The following CSF2RA variants were observed in gnomAD, a reference collection of about 807,000 sequenced individuals.
The protein encoded by CSF2RA is granulocyte-macrophage colony-stimulating factor receptor subunit alpha.
CSF2RA carries 42 observed loss-of-function variants against 51.6 expected under a neutral mutation model. The ratio of observed to expected loss-of-function variants is 0.81; its 90% confidence interval spans 0.64 to 1.05. The LOEUF (loss-of-function observed/expected upper bound fraction) is 1.05. Ranked by LOEUF, CSF2RA falls within the 50% of genes least tolerant of loss-of-function variation. The pLI, the probability that CSF2RA is intolerant of heterozygous loss-of-function variation, is 0.00. For synonymous variants in CSF2RA, 222 were observed against 193.0 expected, an observed-to-expected ratio of 1.15 and a Z score of -1.24; for missense variants, 530 against 501.1, an observed-to-expected ratio of 1.06 and a Z score of -0.55.
At chrX:1,311,029 C>T (rs1360596816), downstream of CSF2RA, among the ~76,000 whole-genome samples, 1 of 151,980 alleles carries the variant, frequency 6.6e-6, no homozygotes, top group African/African-American at 2.4e-5. Context: ...TGGTGGATTG[C>T]CTGAGCTCAT....
Position 1,290,364 on chromosome X carries a change from T to C in CSF2RA, c.501T>C (p.Tyr167=). ...GAAGGAGGGAGATCCGGTGTCCTTATTACATACAAGACTCAGGAACCCATG... is the reference window on the plus strand; with the variant it reads ...GAAGGAGGGAGATCCGGTGTCCTTACTACATACAAGACTCAGGAACCCATG... The part of the protein sequence containing the change: ...SKRRREIRCP[Y]YIQDSGTHVG... Residue 167 remains tyrosine, a synonymous_variant, in exon 7 of 13, where the codon TAT becomes TAC. Coordinates refer to ENST00000381529, the MANE Select transcript of CSF2RA (RefSeq NM_172245.4). 1 of 1,613,692 alleles carries C rather than the reference T, an allele frequency of 6.2e-7. No individual in the cohort carries two copies.
At chrX:1,297,781 G>A (rs369707580) in intron 9 of CSF2RA, among the ~76,000 whole-genome samples, 1,099 of 67,536 alleles carry the variant, frequency 0.016, no homozygotes, top group African/African-American at 0.017. Context: ...CACAACCCCC[G>A]GTGGAACCCT....
intron 11 of CSF2RA, among the ~76,000 whole-genome samples, chrX:1,305,213 C>T (rs2083439632): frequency 6.8e-6 from 1 of 146,862 alleles, no homozygotes; most frequent in Non-Finnish European, 1.5e-5. Flanking sequence ...AGGCTGGTCT[C>T]AAACCTCAAG....
chrX:1,286,207 A>AAGTTGC (rs2090631913), intron 4 of CSF2RA, among the ~76,000 whole-genome samples: 1 of 152,072 alleles, frequency 6.6e-6, no homozygotes, highest in Non-Finnish European at 1.5e-5. Context: ...CGGGAGGTGG[A>AAGTTGC]AGTTGCAGTG....
At position 1,287,591 on chromosome X, in the gene CSF2RA, C is replaced by A. The variant is rs758396420; in HGVS notation, c.220-928C>A. ...CCTGAGTAGCTGGGATTACAGGTGC[C>A]CACCACCACACCTGGCTAATTTTTG... On this transcript the variant is annotated intron_variant, in intron 4 of 12. Transcript: ENST00000381529. 4.0e-4 allele frequency among the ~76,000 whole-genome samples: 58 copies of A among 143,764 alleles called. No homozygotes were observed. In the East Asian group the frequency reaches 9.9e-3, roughly 24 times the overall value. The allele number at this position is 143,764 out of a possible 152,430, so 94.3% of individuals were successfully genotyped here. A position where few individuals can be genotyped will look rare whatever the true frequency, so the allele number is the denominator to read the frequency against.
At chrX:1,305,711 G>C (rs764439901) in intron 12 of CSF2RA, 184 bp downstream of exon 12, 107 of 1,555,458 alleles carry the variant, frequency 6.9e-5, no homozygotes, top group Non-Finnish European at 8.8e-5. Context: ...CTTCTCCAAG[G>C]TTGGGGTCAG....
intron 4 of CSF2RA, 129 bp from the exon 5 acceptor site, chrX:1,288,390 G>C: frequency 1.0e-6 from 1 of 966,720 alleles, no homozygotes; most frequent in South Asian, 1.3e-5. Flanking sequence ...GCTGAGGCGG[G>C]AGAATTGCTT....
At chrX:1,303,089 G>T (rs1464915380) in intron 10 of CSF2RA, among the ~76,000 whole-genome samples, 1 of 124,558 alleles carries the variant, frequency 8.0e-6, no homozygotes, top group East Asian at 2.5e-4. Context: ...ATGGAGTTTC[G>T]CTGTGTCACC....
chrX:1,317,504 G>T, the CSF2RA span, among the ~76,000 whole-genome samples: 2 of 150,916 alleles, frequency 1.3e-5, no homozygotes, highest in Non-Finnish European at 2.9e-5. Context: ...GCCCGCCTCG[G>T]CCTCCCAAAG....
chrX:1,314,319 A>C (rs375364460), downstream of CSF2RA, among the ~76,000 whole-genome samples: 165 of 63,922 alleles, frequency 2.6e-3, 2 homozygotes, highest in Middle Eastern at 0.023. Context: ...CTGCCCAACC[A>C]CACTGCACCT....
rs57249706 is a variant in CSF2RA, at chrX:1,287,691, G to T, written c.220-828G>T. ...ACTCCTGACCTCAAGTGATCCACCC[G>T]CCTCGGCCTCCCAGAGTGCTGGCAT... On this transcript the variant is annotated intron_variant, in intron 4 of 12. Transcript: ENST00000381529. Among the ~76,000 whole-genome samples the T allele has an allele frequency of 1.7e-4, 22 of 130,266 alleles. 1 individual carries two copies. In the East Asian group the frequency reaches 3.1e-3, roughly 18 times the overall value. 85.5% of individuals were successfully genotyped at this position (130,266 alleles called of 152,430 possible).
intron 3 of CSF2RA, among the ~76,000 whole-genome samples, chrX:1,283,268 T>C (rs2090262698): frequency 6.8e-6 from 1 of 147,510 alleles, no homozygotes; most frequent in African/African-American, 2.6e-5. Flanking sequence ...TCCATCCTTC[T>C]CTCCCTCCTG....
At chrX:1,273,153 T>G (rs1467000819) in intron 1 of CSF2RA, among the ~76,000 whole-genome samples, 1 of 151,880 alleles carries the variant, frequency 6.6e-6, no homozygotes, top group Non-Finnish European at 1.5e-5. Flanking sequence ...AATTCCTATC[T>G]AAGAGGTCTG....
At chrX:1,288,024 A>G (rs1485531324) in intron 4 of CSF2RA, among the ~76,000 whole-genome samples, 1 of 151,932 alleles carries the variant, frequency 6.6e-6, no homozygotes. Context: ...GGTGTGAGCC[A>G]CGGCACCTGG....
At chrX:1,296,229 C>T (rs1270110036) in intron 9 of CSF2RA, among the ~76,000 whole-genome samples, 1 of 151,218 alleles carries the variant, frequency 6.6e-6, no homozygotes, top group African/African-American at 2.4e-5. Flanking sequence ...TGGCGGAACC[C>T]TACACTCCCC....
At chrX:1,319,909 GTTTT>G in the CSF2RA span, among the ~76,000 whole-genome samples, 2 of 124,316 alleles carry the variant, frequency 1.6e-5, no homozygotes, top group Admixed American at 8.3e-5. Flanking sequence ...TTGTTTGTTT[GTTTT>G]GAGATGGAGT....
intron 7 of CSF2RA, 27 bp from the exon 8 acceptor site, chrX:1,294,301 G>C (rs763160387): frequency 6.2e-7 from 1 of 1,612,190 alleles, no homozygotes. Context: ...CTCGGGTTCA[G>C]GGGTGTGTCC....
At chrX:1,304,991 G>C (rs1439414553) in intron 11 of CSF2RA, among the ~76,000 whole-genome samples, 8 of 147,414 alleles carry the variant, frequency 5.4e-5, no homozygotes, top group Admixed American at 4.8e-4. Context: ...TTGTCATTTG[G>C]TGATTTTTTT....
chrX:1,322,048 T>C, the CSF2RA span, among the ~76,000 whole-genome samples: 1 of 151,990 alleles, frequency 6.6e-6, no homozygotes, highest in African/African-American at 2.4e-5. Context: ...GGCAGGAGCA[T>C]TGCTTGATCC....
Sources: gnomAD v4.1 joint callset for allele counts (sites outside exome capture counted in the v4.1 genomes callset) on GRCh38, gnomAD v4.1.1 for gene constraint, MANE v1.5 for transcripts, NCBI Gene and HGNC (gene_info 2026-07-23, HGNC 2026-07-21) for gene names.